Variants in ADCK1 observed in about 807,000 individuals in gnomAD.
ADCK1 encodes aarF domain containing kinase 1.
A neutral mutation model predicts 52.3 loss-of-function variants in ADCK1; 41 were observed. The observed-to-expected ratio is 0.78, with a 90% CI of 0.61 to 1.02. The LOEUF (loss-of-function observed/expected upper bound fraction) is 1.02, where lower values mean the gene tolerates loss of function less well. ADCK1 is among the 50% of genes least tolerant of loss of function. The probability of loss-of-function intolerance (pLI) is 0.00; values close to 1 mark genes in which losing one functional copy is unlikely to be tolerated. For missense variants in ADCK1, 658 were observed against 679.5 expected (o/e 0.97, Z 0.35); for synonymous variants, 250 against 274.6 (o/e 0.91, Z 0.89).
rs1270044414 is a variant in ADCK1 at position 77,814,723 on chromosome 14, G to GAAA, written c.-11-4242_-11-4240dup. Among the ~76,000 whole-genome samples, 19 of 131,494 alleles carry GAAA rather than the reference G, an allele frequency of 1.4e-4. No homozygotes were observed. The East Asian group carries it at 3.1e-3, about 21-fold the overall frequency. The allele number at this position is 131,494 out of a possible 152,430, so 86.3% of individuals were successfully genotyped here. On this transcript the variant is annotated intron_variant, in intron 1 of 10. Coordinates refer to ENST00000238561, the MANE Select transcript of ADCK1 (RefSeq NM_020421.4). ...AAAAAAAAAAAAAAAAAAAAAAGAA[G>GAAA]AAAAATAGAAGTGTGGCTCTCAAAC...
At chr14:77,858,447 G>A (rs1566673531) in intron 3 of ADCK1, among the ~76,000 whole-genome samples, 1 of 151,800 alleles carries the variant, frequency 6.6e-6, no homozygotes, top group East Asian at 1.9e-4. Context: ...TCACCATCTT[G>A]GCCAGGCTGG....
intron 6 of ADCK1, among the ~76,000 whole-genome samples, chr14:77,899,559 G>T (rs1215705320): frequency 6.6e-6 from 1 of 152,232 alleles, no homozygotes; most frequent in Non-Finnish European, 1.5e-5. Flanking sequence ...CTCTGCCTCT[G>T]TGAGGCATGG....
At chr14:77,838,745 C>T (rs950040774) in intron 3 of ADCK1, among the ~76,000 whole-genome samples, 3 of 152,172 alleles carry the variant, frequency 2.0e-5, no homozygotes, top group African/African-American at 4.8e-5. Context: ...CCCTAACCCC[C>T]AACATGTTAT....
chr14:77,910,050 T>C (rs1284514214), intron 7 of ADCK1, among the ~76,000 whole-genome samples: 2 of 152,146 alleles, frequency 1.3e-5, no homozygotes, highest in African/African-American at 4.8e-5. Context: ...AACGTTTCTC[T>C]GTGGCTGGCT....
At chr14:77,805,232 G>T (rs1428850594) in intron 1 of ADCK1, among the ~76,000 whole-genome samples, 1 of 125,602 alleles carries the variant, frequency 8.0e-6, no homozygotes. Flanking sequence ...AAAAAAAAGA[G>T]TCATTTTTGG....
intron 1 of ADCK1, among the ~76,000 whole-genome samples, chr14:77,817,614 C>A (rs1401857964): frequency 6.6e-6 from 1 of 152,148 alleles, no homozygotes; most frequent in Non-Finnish European, 1.5e-5. Flanking sequence ...TTGAACAGAT[C>A]AAATCAGCAG....
chr14:77,844,237 T>C (rs1041997135), intron 3 of ADCK1, among the ~76,000 whole-genome samples: 2 of 152,044 alleles, frequency 1.3e-5, no homozygotes, highest in Non-Finnish European at 2.9e-5. Flanking sequence ...CACACCACCA[T>C]GCCCGGTGAA....
chr14:77,874,904 G>C (rs60330258), intron 4 of ADCK1, among the ~76,000 whole-genome samples: 9,362 of 152,210 alleles, frequency 0.062, 344 homozygotes, highest in Middle Eastern at 0.12. Context: ...CCAGAGGATG[G>C]TTAAGGGACA....
intron 3 of ADCK1, among the ~76,000 whole-genome samples, chr14:77,852,670 T>G (rs912329380): frequency 1.1e-4 from 1 of 9,504 alleles, no homozygotes; most frequent in Non-Finnish European, 2.9e-4. Flanking sequence ...AATATATATA[T>G]ATATATATAT....
intron 5 of ADCK1, among the ~76,000 whole-genome samples, chr14:77,892,861 T>C (rs991691825): frequency 6.6e-6 from 1 of 152,104 alleles, no homozygotes; most frequent in African/African-American, 2.4e-5. Flanking sequence ...GGCTGTTGGT[T>C]TGGCCTCCAA....
chr14:77,899,487 T>G (rs1023257156), intron 6 of ADCK1, among the ~76,000 whole-genome samples: 5 of 152,184 alleles, frequency 3.3e-5, no homozygotes, highest in Non-Finnish European at 5.9e-5. Context: ...TAAACAGATG[T>G]TTATTGAATA....
intron 3 of ADCK1, among the ~76,000 whole-genome samples, chr14:77,842,333 C>T (rs992063365): frequency 2.6e-5 from 4 of 151,996 alleles, no homozygotes; most frequent in African/African-American, 7.3e-5. Context: ...TTCACTTGTC[C>T]GCCAAATGTG....
At chr14:77,850,074 G>A (rs1395841713) in intron 3 of ADCK1, among the ~76,000 whole-genome samples, 2 of 152,110 alleles carry the variant, frequency 1.3e-5, no homozygotes, top group Admixed American at 6.6e-5. Flanking sequence ...GGGTGTGGTG[G>A]TGTGTGCCTG....
At chr14:77,883,406 G>T (rs533811943) in intron 4 of ADCK1, among the ~76,000 whole-genome samples, 111 of 149,224 alleles carry the variant, frequency 7.4e-4, no homozygotes, top group Admixed American at 1.4e-3. Context: ...AGCTGCATGG[G>T]GGGTATAATT....
chr14:77,841,621 GAGTTCAAGACCA>G (rs2082067487), intron 3 of ADCK1, among the ~76,000 whole-genome samples: 1 of 144,552 alleles, frequency 6.9e-6, no homozygotes, highest in Non-Finnish European at 1.5e-5. Context: ...TTGAGGTCAG[GAGTTCAAGACCA>G]ACCTGGACAA....
chr14:77,894,733 C>CTTTTTTTTTTTTTTT (rs1566710773), intron 5 of ADCK1, among the ~76,000 whole-genome samples: 1 of 38,396 alleles, frequency 2.6e-5, no homozygotes, highest in Non-Finnish European at 6.0e-5. Flanking sequence ...CTTTTCTTTT[C>CTTTTTTTTTTTTTTT]TTGTTTTTTT....
At chr14:77,888,300 G>T (rs147264797) in intron 5 of ADCK1, among the ~76,000 whole-genome samples, 11 of 152,246 alleles carry the variant, frequency 7.2e-5, no homozygotes, top group African/African-American at 1.7e-4. Flanking sequence ...GCTCGAAGTG[G>T]AGATGAGGCT....
chr14:77,803,076 T>A (rs1236035972), intron 1 of ADCK1, among the ~76,000 whole-genome samples: 1 of 152,210 alleles, frequency 6.6e-6, no homozygotes, highest in African/African-American at 2.4e-5. Flanking sequence ...GTCTTTGGCA[T>A]CTTTCCAGAC....
intron 1 of ADCK1, among the ~76,000 whole-genome samples, chr14:77,814,490 C>A (rs1017286459): frequency 6.6e-6 from 1 of 150,908 alleles, no homozygotes. Context: ...AATCTCAGCA[C>A]TTTGGGAGGC....
Sources: gnomAD v4.1 joint callset for allele counts (sites outside exome capture counted in the v4.1 genomes callset) on GRCh38, gnomAD v4.1.1 for gene constraint, MANE v1.5 for transcripts, NCBI Gene and HGNC (gene_info 2026-07-23, HGNC 2026-07-21) for gene names.